TMEM132C: variants seen among roughly 807,000 people sequenced by gnomAD.
TMEM132C encodes the protein protein phosphatase 1, regulatory subunit 152.
Under a neutral mutation model 61.4 loss-of-function variants are expected in TMEM132C, and 29 were observed. The observed-to-expected ratio is 0.47, with a 90% CI of 0.35 to 0.64. The LOEUF (loss-of-function observed/expected upper bound fraction) is 0.64. Among genes scored for constraint, TMEM132C ranks in the 30% least tolerant of loss-of-function variants. The pLI is 0.00. For synonymous variants in TMEM132C, 656 were observed against 633.1 expected, an observed-to-expected ratio of 1.04 and a Z score of -0.54; for missense variants, 1,408 against 1,476.9, an observed-to-expected ratio of 0.95 and a Z score of 0.76.
chr12:128,465,402 T>C (rs989826516), intron 2 of TMEM132C, among the ~76,000 whole-genome samples: 4 of 152,116 alleles, frequency 2.6e-5, no homozygotes, highest in Non-Finnish European at 5.9e-5. Context: ...GTTTTTGCCA[T>C]GTTGGCCAGG....
At chr12:128,361,377 A>C (rs1207282711) in intron 1 of TMEM132C, among the ~76,000 whole-genome samples, 1 of 152,170 alleles carries the variant, frequency 6.6e-6, no homozygotes, top group East Asian at 1.9e-4. Context: ...AGAAGCTCCA[A>C]GGATGTCTTT....
intron 1 of TMEM132C, among the ~76,000 whole-genome samples, chr12:128,300,576 A>T (rs943593800): frequency 3.3e-5 from 5 of 152,140 alleles, no homozygotes; most frequent in East Asian, 1.9e-4. Context: ...CTATGAGAGG[A>T]CACCAAGCAG....
chr12:128,383,240 G>A (rs1593033198), intron 1 of TMEM132C, among the ~76,000 whole-genome samples: 1 of 152,134 alleles, frequency 6.6e-6, no homozygotes, highest in Admixed American at 6.5e-5. Flanking sequence ...CTGTGTATTT[G>A]TGCTCTGTGT....
chr12:128,493,110 C>A (rs796142554), intron 2 of TMEM132C, among the ~76,000 whole-genome samples: 1 of 152,132 alleles, frequency 6.6e-6, no homozygotes. Context: ...ATAGGGAATC[C>A]TTTCCCCATT....
intron 1 of TMEM132C, among the ~76,000 whole-genome samples, chr12:128,295,467 G>A (rs886706696): frequency 5.3e-5 from 8 of 152,050 alleles, no homozygotes; most frequent in Admixed American, 2.6e-4. Flanking sequence ...AAACTGAGAC[G>A]TGTAGGGTCA....
At chr12:128,704,515 A>G (rs944956391) in intron 8 of TMEM132C, among the ~76,000 whole-genome samples, 5 of 152,202 alleles carry the variant, frequency 3.3e-5, no homozygotes, top group African/African-American at 1.2e-4. Flanking sequence ...TCAACCTTAA[A>G]GGGCAAAATG....
chr12:128,516,208 A>T (rs79169525), intron 2 of TMEM132C, among the ~76,000 whole-genome samples: 2,204 of 152,292 alleles, frequency 0.014, 44 homozygotes, highest in African/African-American at 0.05. Context: ...AAATACTCAT[A>T]ACACCTTTAT....
At chr12:128,687,327 G>A (rs139016876) in intron 5 of TMEM132C, among the ~76,000 whole-genome samples, 87 of 152,224 alleles carry the variant, frequency 5.7e-4, no homozygotes, top group Middle Eastern at 3.4e-3. Flanking sequence ...TTGTTGTGGG[G>A]GACTGGCCTA....
chr12:128,318,359 C>G lies in TMEM132C; in HGVS notation c.85+50872C>G, dbSNP rs182361176. Among the ~76,000 whole-genome samples the G allele has an allele frequency of 1.7e-3, 258 of 152,246 alleles. 2 individuals carry two copies. Among genetic ancestry groups the G allele is most frequent in the Admixed American group, 3.2e-3 (49 of 15,282 alleles). ...GATGTTACTTGCATTTTCCTGGCAT[C>G]GTACATGTAACCAACCTACTGGCTA... On this transcript the variant is annotated intron_variant, in intron 1 of 8. Coordinates refer to ENST00000435159, the MANE Select transcript of TMEM132C (RefSeq NM_001136103.3).
intron 1 of TMEM132C, among the ~76,000 whole-genome samples, chr12:128,345,301 T>A (rs1488290970): frequency 6.6e-6 from 1 of 152,228 alleles, no homozygotes; most frequent in African/African-American, 2.4e-5. Flanking sequence ...TTATCCAGTC[T>A]ATCACTGATG....
chr12:128,397,583 A>G (rs1463485347), intron 1 of TMEM132C, among the ~76,000 whole-genome samples: 1 of 152,120 alleles, frequency 6.6e-6, no homozygotes, highest in Non-Finnish European at 1.5e-5. Flanking sequence ...ATTTGAAATA[A>G]CAAGTTGGTC....
At chr12:128,568,047 A>T (rs1036549156) in intron 3 of TMEM132C, among the ~76,000 whole-genome samples, 5 of 152,224 alleles carry the variant, frequency 3.3e-5, no homozygotes, top group African/African-American at 1.2e-4. Flanking sequence ...ATGCAGAGAC[A>T]TTTACTGCTG....
intron 2 of TMEM132C, among the ~76,000 whole-genome samples, chr12:128,511,403 C>T (rs917535317): frequency 1.3e-5 from 2 of 152,298 alleles, no homozygotes; most frequent in South Asian, 2.1e-4. Flanking sequence ...CCCAAACCAT[C>T]GTTAGGTTTG....
intron 4 of TMEM132C, among the ~76,000 whole-genome samples, chr12:128,635,141 C>G (rs186196151): frequency 6.6e-6 from 1 of 152,298 alleles, no homozygotes; most frequent in Non-Finnish European, 1.5e-5. Flanking sequence ...AAATGTGTTC[C>G]TGACATTATC....
intron 5 of TMEM132C, among the ~76,000 whole-genome samples, chr12:128,678,994 G>A (rs1954614201): frequency 6.6e-6 from 1 of 152,200 alleles, no homozygotes; most frequent in Non-Finnish European, 1.5e-5. Flanking sequence ...TCTTCTGAGT[G>A]ATCTTGGGGA....
chr12:128,547,070 G>A (rs118143747), intron 3 of TMEM132C, among the ~76,000 whole-genome samples: 6,677 of 152,274 alleles, frequency 0.044, 213 homozygotes, highest in Non-Finnish European at 0.068. Flanking sequence ...CTTGGTAGCC[G>A]AGGAGGTCTG....
At position 128,346,804 on chromosome 12, in the gene TMEM132C, C is replaced by T. The variant is rs535974256; in HGVS notation, c.86-67928C>T. Among the ~76,000 whole-genome samples, 42 of 152,224 alleles carry T rather than the reference C, an allele frequency of 2.8e-4. No homozygotes were observed. In the South Asian group the frequency reaches 7.5e-3, roughly 27 times the overall value. On this transcript the variant is annotated intron_variant, in intron 1 of 8. Transcript: ENST00000435159. ...GTCAAAAATAAATTGACCGTAAGTGCGAGGGTTTGTTTCTGGACTCTGAAT... is the reference window on the plus strand; with the variant it reads ...GTCAAAAATAAATTGACCGTAAGTGTGAGGGTTTGTTTCTGGACTCTGAAT...
chr12:128,686,877 G>T (rs1315245705), intron 5 of TMEM132C, among the ~76,000 whole-genome samples: 1 of 152,158 alleles, frequency 6.6e-6, no homozygotes, highest in Non-Finnish European at 1.5e-5. Context: ...AGAGGGAAGG[G>T]AGGTTCGGGG....
chr12:128,547,565 CAAAA>C (rs34135152), intron 3 of TMEM132C, among the ~76,000 whole-genome samples: 9 of 67,604 alleles, frequency 1.3e-4, no homozygotes, highest in Admixed American at 1.7e-4. Flanking sequence ...CTCTGTCTCA[CAAAA>C]AAAAAAAAAA....
Sources: gnomAD v4.1 joint callset for allele counts (sites outside exome capture counted in the v4.1 genomes callset) on GRCh38, gnomAD v4.1.1 for gene constraint, MANE v1.5 for transcripts, NCBI Gene and HGNC (gene_info 2026-07-23, HGNC 2026-07-21) for gene names.